DSG1: variants seen among roughly 807,000 people sequenced by gnomAD.
DSG1 encodes the protein desmoglein-1.
DSG1 carries 39 observed loss-of-function variants against 97.5 expected under a neutral mutation model. The ratio of observed to expected loss-of-function variants is 0.40; its 90% CI spans 0.31 to 0.52. DSG1 has a LOEUF of 0.52. Ranked by LOEUF, DSG1 falls within the 20% of genes least tolerant of loss-of-function variation. DSG1 has a pLI of 0.53. For synonymous variants in DSG1, 475 were observed against 443.4 expected (o/e 1.07, Z -0.90); for missense variants, 1,311 against 1,295.4 (o/e 1.01, Z -0.18).
intron 6 of DSG1, among the ~76,000 whole-genome samples, chr18:31,332,231 C>T (rs185525326): frequency 8.5e-5 from 13 of 152,184 alleles, no homozygotes; most frequent in Admixed American, 4.6e-4. Flanking sequence ...TATATGTCCA[C>T]GTTTTGGTGA....
intron 1 of DSG1, among the ~76,000 whole-genome samples, chr18:31,324,635 C>T (rs553726655): frequency 6.6e-6 from 1 of 152,290 alleles, no homozygotes; most frequent in South Asian, 2.1e-4. Context: ...AGCTTCCTCC[C>T]TCTCTCGAAC....
chr18:31,324,649 C>T (rs1248272574), intron 1 of DSG1, among the ~76,000 whole-genome samples: 1 of 152,162 alleles, frequency 6.6e-6, no homozygotes, highest in Admixed American at 6.5e-5. Flanking sequence ...CTCGAACACC[C>T]CCATCCCATT....
chr18:31,339,836 A>G lies in DSG1; in HGVS notation c.1498A>G (p.Ile500Val), dbSNP rs777700418. Residue 500 changes from isoleucine to valine, a missense_variant, in exon 11 of 15, where the codon ATT becomes GTT. This residue lies in a region of DSG1 where 1,038 missense variants were observed against 964.6 expected (regional missense o/e 1.08). Coordinates refer to ENST00000257192, the MANE Select transcript of DSG1 (RefSeq NM_001942.4). ...DRTNTEPNTK[I>V]TTNTGRQEST... Reference sequence around the variant, plus strand: ...GACTAATACAGAGCCGAACACTAAAATTACTACCAATACTGGCAGACAAGA... The same window carrying G: ...GACTAATACAGAGCCGAACACTAAAGTTACTACCAATACTGGCAGACAAGA... 1 of 1,614,062 alleles carries G rather than the reference A, an allele frequency of 6.2e-7. No individual in the cohort carries two copies. The highest frequency in any genetic ancestry group is 2.2e-5 in the East Asian group (1 of 44,862).
chr18:31,355,555 A>C lies in DSG1; in HGVS notation c.*209A>C, dbSNP rs763659983. ...TCATAAACTTTTCTCTTATATTAGGACTAAGGAACTAAAACTTGAGGCAGA... is the reference window on the plus strand; with the variant it reads ...TCATAAACTTTTCTCTTATATTAGGCCTAAGGAACTAAAACTTGAGGCAGA... On this transcript the variant is annotated 3_prime_UTR_variant, in exon 15 of 15. Coordinates refer to ENST00000257192, the MANE Select transcript of DSG1 (RefSeq NM_001942.4). 1.2e-5 allele frequency: 7 copies of C among 589,540 alleles called. No individual in the cohort carries two copies. Among genetic ancestry groups the C allele is most frequent in the Non-Finnish European group, 1.8e-5 (6 of 334,452 alleles). 36.5% of individuals were successfully genotyped at this position (589,540 alleles called of 1,614,324 possible).
chr18:31,329,783 A>G, intron 4 of DSG1, 109 bp from the exon 5 acceptor site: 1 of 1,380,634 alleles, frequency 7.2e-7, no homozygotes, highest in Non-Finnish European at 1.0e-6. Context: ...CTATGTTCTA[A>G]GTAGACATAA....
chr18:31,354,311 C>G lies in DSG1; in HGVS notation c.2115C>G (p.Tyr705Ter). 6.2e-7 allele frequency: 1 copy of G among 1,613,954 alleles called. No individual in the cohort carries two copies. The highest frequency in any genetic ancestry group is 1.1e-5 in the South Asian group (1 of 91,084). The stretch of plus-strand genomic sequence containing the variant: ...TATAAATTCAGAAAGCATATGCTTA[C>G]GCAGATGAAGATGAAGGACGCCCAT... ...ESYFCQKAYA[Y>*]ADEDEGRPSN... The change falls in exon 15 of 15, where the codon TAC becomes TAG. Residue 705 changes from tyrosine to a stop codon, truncating the protein, a stop_gained. Transcript: ENST00000257192. LOFTEE classifies it high-confidence loss of function.
chr18:31,323,960 A>C (rs1331092867), intron 1 of DSG1, among the ~76,000 whole-genome samples: 63 of 118,022 alleles, frequency 5.3e-4, no homozygotes, highest in Middle Eastern at 5.3e-3. Context: ...CTCTTTCGCC[A>C]CTCCTTCTCT....
chr18:31,338,898 G>A (rs2071771385), intron 10 of DSG1, among the ~76,000 whole-genome samples: 1 of 152,114 alleles, frequency 6.6e-6, no homozygotes, highest in Non-Finnish European at 1.5e-5. Flanking sequence ...CTTCCAGAAT[G>A]TTTTTATTCA....
At position 31,343,979 on chromosome 18, in the gene DSG1, A is replaced by T. The variant is rs146270440; in HGVS notation, c.1875A>T (p.Glu625Asp). Residue 625 changes from glutamate to aspartate, a missense_variant, in exon 13 of 15, where the codon GAA becomes GAT. This residue lies in a region of DSG1 where 1,038 missense variants were observed against 964.6 expected (regional missense o/e 1.08). Coordinates refer to ENST00000257192, the MANE Select transcript of DSG1 (RefSeq NM_001942.4). ...CACCTGATAACGCAAATATAATTGA[A>T]TGCATTGACAACTCAGGTAAGAAAA... The part of the protein sequence containing the change: ...QIPPDNANII[E>D]CIDNSGVYTN... The T allele has an allele frequency of 8.1e-6, 13 of 1,612,450 alleles. No homozygotes were observed. In the African/African-American group the frequency reaches 1.7e-4, roughly 22 times the overall value.
chr18:31,352,818 CA>C (rs1280491650), intron 14 of DSG1, among the ~76,000 whole-genome samples: 21 of 145,212 alleles, frequency 1.4e-4, no homozygotes, highest in Admixed American at 1.4e-3. Context: ...TTTTCAGCTC[CA>C]TCAGCTCCTT....
At position 31,336,365 on chromosome 18, in the gene DSG1, T is replaced by C; in HGVS notation, c.1017T>C (p.Tyr339=). ...GILKVVKPLD[Y]EAMQSLQLSI... ...TCTGTATTTTCTAGCCCTTAGATTATGAAGCTATGCAGAGTCTGCAACTCA... is the reference window on the plus strand; with the variant it reads ...TCTGTATTTTCTAGCCCTTAGATTACGAAGCTATGCAGAGTCTGCAACTCA... Residue 339 remains tyrosine (Y), a synonymous_variant, in exon 9 of 15, where the codon TAT becomes TAC. Coordinates refer to ENST00000257192, the MANE Select transcript of DSG1 (RefSeq NM_001942.4). The C allele has an allele frequency of 1.2e-6, 2 of 1,613,566 alleles. No homozygotes were observed. Among genetic ancestry groups the C allele is most frequent in the Non-Finnish European group, 1.7e-6 (2 of 1,179,666 alleles).
chr18:31,339,665 TAAAA>T (rs2071775784), intron 10 of DSG1, 75 bp from the exon 11 acceptor site: 2 of 1,124,266 alleles, frequency 1.8e-6, no homozygotes. Context: ...AATGTTAATG[TAAAA>T]AATAATTCTG....
At chr18:31,331,630 G>C in intron 5 of DSG1, 71 bp from the exon 6 acceptor site, 1 of 1,439,054 alleles carries the variant, frequency 6.9e-7, no homozygotes, top group South Asian at 1.2e-5. Context: ...CACTTTTTTG[G>C]AAAGGTGATA....
intron 14 of DSG1, 62 bp from the exon 15 acceptor site, chr18:31,354,235 C>T (rs2144126133): frequency 7.0e-7 from 1 of 1,418,592 alleles, no homozygotes; most frequent in Admixed American, 1.7e-5. Flanking sequence ...ATGATAAAGG[C>T]TGTTCTATTA....
intron 1 of DSG1, among the ~76,000 whole-genome samples, chr18:31,322,637 TAA>T (rs1321045596): frequency 6.6e-6 from 1 of 152,192 alleles, no homozygotes; most frequent in Non-Finnish European, 1.5e-5. Flanking sequence ...GGTTTTTAAA[TAA>T]AGCAAATTGT....
chr18:31,355,501 C>A lies in DSG1; in HGVS notation c.*155C>A. The A allele has an allele frequency of 1.3e-6, 1 of 761,820 alleles. No homozygotes were observed. The highest frequency in any genetic ancestry group is 2.2e-6 in the Non-Finnish European group (1 of 453,752). 47.2% of individuals were successfully genotyped at this position (761,820 alleles called of 1,614,324 possible). A position where few individuals can be genotyped will look rare whatever the true frequency, so the allele number is the denominator to read the frequency against. On this transcript the variant is annotated 3_prime_UTR_variant, in exon 15 of 15. Coordinates refer to ENST00000257192, the MANE Select transcript of DSG1 (RefSeq NM_001942.4). ...CAATGAGAAAAATAAATGGAAACAC[C>A]ACTGCTAGGGGAGAGCTCTCCTTAG...
intron 11 of DSG1, 67 bp from the exon 12 acceptor site, chr18:31,343,383 A>T: frequency 6.2e-7 from 1 of 1,601,398 alleles, no homozygotes; most frequent in Non-Finnish European, 8.6e-7. Flanking sequence ...ACCATAAAAA[A>T]TCAGGTTGTT....
At chr18:31,338,096 TG>T (rs1285582283) in intron 9 of DSG1, among the ~76,000 whole-genome samples, 2 of 152,174 alleles carry the variant, frequency 1.3e-5, no homozygotes, top group Non-Finnish European at 2.9e-5. Flanking sequence ...CCATCAGAAA[TG>T]GGTGCTCAGT....
intron 14 of DSG1, among the ~76,000 whole-genome samples, chr18:31,353,105 C>T (rs1257467445): frequency 4.9e-4 from 69 of 140,812 alleles, no homozygotes; most frequent in African/African-American, 1.8e-3. Context: ...GTGGTTTTAT[C>T]TACTTTTGGT....
Sources: allele counts gnomAD v4.1 joint callset (sites outside exome capture counted in the v4.1 genomes callset), GRCh38; gene constraint gnomAD v4.1.1; regional missense constraint gnomAD v4.1.1; transcripts MANE v1.5; gene names NCBI Gene and HGNC (gene_info 2026-07-23, HGNC 2026-07-21).